The following ROBO1 variants were observed in gnomAD, a reference collection of about 807,000 sequenced individuals.
ROBO1 encodes roundabout homolog 1.
A neutral mutation model predicts 195.9 loss-of-function variants in ROBO1; 149 were observed. The observed-to-expected ratio is 0.76, with a 90% CI of 0.67 to 0.87. The LOEUF is 0.87. Among genes scored for constraint, ROBO1 ranks in the 40% least tolerant of loss-of-function variants. The pLI is 0.00. For missense variants in ROBO1, 1,933 were observed against 2,068.3 expected (o/e 0.93, Z 1.27); for synonymous variants, 816 against 733.2 (o/e 1.11, Z -1.82).
chr3:79,544,072 T>C (rs1942175083), intron 2 of ROBO1, among the ~76,000 whole-genome samples: 2 of 152,090 alleles, frequency 1.3e-5, no homozygotes, highest in Admixed American at 6.6e-5. Flanking sequence ...CAATACAGTA[T>C]TCAACTGAGT....
chr3:79,208,406 C>T (rs1437860919), intron 2 of ROBO1, among the ~76,000 whole-genome samples: 1 of 152,140 alleles, frequency 6.6e-6, no homozygotes, highest in African/African-American at 2.4e-5. Context: ...CCATCAAGGG[C>T]TTATTTGGCA....
At position 78,680,749 on chromosome 3, in the gene ROBO1, T is replaced by C. The variant is rs1375418073; in HGVS notation, c.1342+4997A>G. Among the ~76,000 whole-genome samples, 17 of 145,424 alleles carry C rather than the reference T, an allele frequency of 1.2e-4. 1 individual carries two copies. Among genetic ancestry groups the C allele is most frequent in the Non-Finnish European group, 4.5e-5 (3 of 66,112 alleles). On this transcript the variant is annotated intron_variant, in intron 10 of 30. Transcript: ENST00000464233. ...CACTGTTGGTGGGACTGTAAACTAGTTCAACCATTGTGGAAGTCAGTGTGG... is the reference window on the plus strand; with the variant it reads ...CACTGTTGGTGGGACTGTAAACTAGCTCAACCATTGTGGAAGTCAGTGTGG...
At chr3:79,685,662 A>G (rs936064029) in intron 1 of ROBO1, among the ~76,000 whole-genome samples, 1 of 152,146 alleles carries the variant, frequency 6.6e-6, no homozygotes, top group African/African-American at 2.4e-5. Context: ...TCCAGTGGCT[A>G]CAAGTCTTCC....
At chr3:79,275,792 A>G (rs1324056493) in intron 2 of ROBO1, among the ~76,000 whole-genome samples, 5 of 152,052 alleles carry the variant, frequency 3.3e-5, no homozygotes, top group African/African-American at 4.8e-5. Flanking sequence ...ATTGCAGGAT[A>G]CGATATCAAC....
At chr3:79,002,239 C>G (rs763116765) in intron 3 of ROBO1, among the ~76,000 whole-genome samples, 1 of 152,118 alleles carries the variant, frequency 6.6e-6, no homozygotes, top group African/African-American at 2.4e-5. Flanking sequence ...GGATATGTCA[C>G]ACTCAAGTTG....
chr3:79,619,681 GA>G, intron 1 of ROBO1, among the ~76,000 whole-genome samples: 1 of 152,160 alleles, frequency 6.6e-6, no homozygotes, highest in East Asian at 1.9e-4. Context: ...ACCTCTCCCA[GA>G]TCAGTTAGCA....
At chr3:79,667,490 A>G (rs1946508622) in intron 1 of ROBO1, among the ~76,000 whole-genome samples, 1 of 151,830 alleles carries the variant, frequency 6.6e-6, no homozygotes, top group South Asian at 2.1e-4. Context: ...GTTGTAAGAG[A>G]GTTGTCTTAA....
At chr3:79,328,516 C>T (rs1314159240) in intron 2 of ROBO1, among the ~76,000 whole-genome samples, 3 of 151,986 alleles carry the variant, frequency 2.0e-5, no homozygotes, top group Admixed American at 6.6e-5. Context: ...TGTATCGAGG[C>T]AGAATATTAA....
Position 78,670,247 on chromosome 3 carries a change from A to G in ROBO1, c.1397T>C (p.Val466Ala), listed in dbSNP as rs1336651403. The change falls in exon 11 of 31, where the codon GTA (valine) becomes GCA (alanine). Residue 466 changes from valine (V) to alanine (A), a missense_variant. This residue lies in a region of ROBO1 where 1,737 missense variants were observed against 1,882.5 expected (regional missense o/e 0.92). Transcript: ENST00000464233. Reference sequence around the variant, plus strand: ...GAGGACGAAAGTGCCATCCACGGCTACAGTCTGATTCACAGGACCTTGTCG... The same window carrying G: ...GAGGACGAAAGTGCCATCCACGGCTGCAGTCTGATTCACAGGACCTTGTCG... Reference protein sequence around the residue: ...VIRQGPVNQTVAVDGTFVLSC... With the variant: ...VIRQGPVNQTAAVDGTFVLSC... The G allele has an allele frequency of 6.3e-7, 1 of 1,593,994 alleles. No homozygotes were observed. The highest frequency in any genetic ancestry group is 8.6e-7 in the Non-Finnish European group (1 of 1,169,272).
chr3:78,912,419 C>T (rs535942148), intron 4 of ROBO1, among the ~76,000 whole-genome samples: 2 of 152,230 alleles, frequency 1.3e-5, no homozygotes, highest in East Asian at 1.9e-4. Flanking sequence ...GTCCTGTTAT[C>T]TTCCATACAC....
intron 1 of ROBO1, among the ~76,000 whole-genome samples, chr3:79,709,436 G>A (rs1251939278): frequency 1.3e-5 from 2 of 152,028 alleles, no homozygotes; most frequent in Non-Finnish European, 2.9e-5. Flanking sequence ...TTTCATATGG[G>A]TGTGAGAGAC....
intron 4 of ROBO1, among the ~76,000 whole-genome samples, chr3:78,781,040 A>C (rs1384316848): frequency 6.6e-6 from 1 of 152,204 alleles, no homozygotes; most frequent in African/African-American, 2.4e-5. Flanking sequence ...TCCTTGGTAC[A>C]TAAACACTTG....
chr3:79,138,376 A>G (rs1399978573), intron 2 of ROBO1, among the ~76,000 whole-genome samples: 7 of 152,088 alleles, frequency 4.6e-5, no homozygotes, highest in Admixed American at 3.9e-4. Flanking sequence ...ACTTTTCTCA[A>G]TGAATGAACA....
At chr3:79,550,920 T>C (rs1942486231) in intron 2 of ROBO1, among the ~76,000 whole-genome samples, 1 of 152,164 alleles carries the variant, frequency 6.6e-6, no homozygotes, top group Admixed American at 6.5e-5. Flanking sequence ...GATTAGGCTA[T>C]AAGGACCATA....
chr3:78,600,336 G>A (rs142155138), intron 29 of ROBO1, 27 bp from the exon 30 acceptor site: 3 of 1,417,412 alleles, frequency 2.1e-6, no homozygotes, highest in South Asian at 1.2e-5. Context: ...AATAAATGCA[G>A]GTGAGTACCA....
At chr3:79,652,220 G>A (rs1237623617) in intron 1 of ROBO1, among the ~76,000 whole-genome samples, 1 of 152,004 alleles carries the variant, frequency 6.6e-6, no homozygotes, top group African/African-American at 2.4e-5. Context: ...GGAATTCTAA[G>A]CAGAATTATT....
At chr3:79,073,933 G>A (rs1218544893) in intron 3 of ROBO1, among the ~76,000 whole-genome samples, 1 of 150,394 alleles carries the variant, frequency 6.6e-6, no homozygotes, top group Non-Finnish European at 1.5e-5. Context: ...ATATATAACA[G>A]CAATAAACAT....
At chr3:78,625,972 G>A (rs1575797355) in intron 26 of ROBO1, among the ~76,000 whole-genome samples, 1 of 152,142 alleles carries the variant, frequency 6.6e-6, no homozygotes, top group East Asian at 1.9e-4. Flanking sequence ...GAATGAAGAG[G>A]AAGAGGCTGG....
At chr3:78,967,879 C>G (rs9838831) in intron 3 of ROBO1, among the ~76,000 whole-genome samples, 21,305 of 152,082 alleles carry the variant, frequency 0.14, 2,162 homozygotes, top group African/African-American at 0.29. Flanking sequence ...GAAATATTTT[C>G]AAACTGGCTA....
Sources: allele counts gnomAD v4.1 joint callset (sites outside exome capture counted in the v4.1 genomes callset), GRCh38; gene constraint gnomAD v4.1.1; regional missense constraint gnomAD v4.1.1; transcripts MANE v1.5; gene names NCBI Gene and HGNC (gene_info 2026-07-23, HGNC 2026-07-21).